Variants in ADCY4 observed in about 807,000 individuals in gnomAD.
ADCY4 encodes the protein adenylate cyclase type 4.
ADCY4 carries 111 observed loss-of-function variants against 125.5 expected under a neutral mutation model. The ratio of observed to expected loss-of-function variants is 0.88; its 90% CI spans 0.76 to 1.04. The LOEUF is 1.04. Among genes scored for constraint, ADCY4 ranks in the 50% least tolerant of loss-of-function variants. The probability of loss-of-function intolerance (pLI) is 0.00; values close to 1 mark genes in which losing one functional copy is unlikely to be tolerated. For missense variants in ADCY4, 1,256 were observed against 1,382.9 expected (o/e 0.91, Z 1.46); for synonymous variants, 576 against 586.9 (o/e 0.98, Z 0.27).
intron 4 of ADCY4, 45 bp from the exon 5 acceptor site, chr14:24,331,401 C>G: frequency 6.2e-7 from 1 of 1,607,110 alleles, no homozygotes; most frequent in Non-Finnish European, 8.5e-7. Flanking sequence ...CACCCTAAAG[C>G]CAGGAGGCCC....
intron 8 of ADCY4, 105 bp downstream of exon 8, chr14:24,329,755 A>T (rs2042010822): frequency 6.6e-7 from 1 of 1,510,418 alleles, no homozygotes. Context: ...GACTTATCTT[A>T]AGGTACTCAT....
At chr14:24,328,932 G>T in intron 10 of ADCY4, 129 bp downstream of exon 10, 1 of 1,225,594 alleles carries the variant, frequency 8.2e-7, no homozygotes, top group Non-Finnish European at 1.1e-6. Context: ...GACAGTTCGG[G>T]ACTTTGGGAT....
Position 24,325,851 on chromosome 14 carries a change from T to G in ADCY4, c.1692A>C (p.Thr564=). The change falls in exon 13 of 25, where the codon ACA becomes ACC. Residue 564 remains threonine (T), a synonymous_variant. Coordinates refer to ENST00000418030, the MANE Select transcript of ADCY4 (RefSeq NM_001198568.2). Reference sequence around the variant, plus strand: ...CCATCTCCTTCTCTCTGAAGTACAGTGTCAGTGGGTTGAAGTCCTTCGACT... The same window carrying G: ...CCATCTCCTTCTCTCTGAAGTACAGGGTCAGTGGGTTGAAGTCCTTCGACT... ...WKQSKDFNPL[T]LYFREKEMEK... is the part of the protein sequence containing the mutation. The G allele has an allele frequency of 6.3e-7, 1 of 1,597,796 alleles. No individual in the cohort carries two copies. The highest frequency in any genetic ancestry group is 8.5e-7 in the Non-Finnish European group (1 of 1,170,308).
rs1198101977 is a variant in ADCY4 at position 24,329,249 on chromosome 14, G to A, written c.1351-15C>T. Reference sequence around the variant, plus strand: ...TCCTCCTCTGCCTGGGGCACATAAGGGCTGACAGTAAAGACCACAGACACT... The same window carrying A: ...TCCTCCTCTGCCTGGGGCACATAAGAGCTGACAGTAAAGACCACAGACACT... On this transcript the variant is annotated splice_polypyrimidine_tract_variant and intron_variant, in intron 9 of 24. Coordinates refer to ENST00000418030, the MANE Select transcript of ADCY4 (RefSeq NM_001198568.2). The A allele has an allele frequency of 1.2e-6, 2 of 1,612,582 alleles. No homozygotes were observed. The highest frequency in any genetic ancestry group is 2.2e-5 in the South Asian group (2 of 91,006).
chr14:24,326,483 T>C (rs1250976297), intron 10 of ADCY4, 141 bp from the exon 11 acceptor site: 1 of 973,744 alleles, frequency 1.0e-6, no homozygotes, highest in Non-Finnish European at 1.6e-6. Context: ...TCTAATGACC[T>C]CTCTGTCTCC....
At chr14:24,330,566 G>A (rs894870966) in intron 6 of ADCY4, 5 of 418,254 alleles carry the variant, frequency 1.2e-5, no homozygotes, top group Non-Finnish European at 2.2e-5. Flanking sequence ...AGTTGAGTAC[G>A]TGGTAGTGGT....
chr14:24,324,183 C>A lies in ADCY4; in HGVS notation c.1925G>T (p.Gly642Val). 1 of 1,614,206 alleles carries A rather than the reference C, an allele frequency of 6.2e-7. No individual in the cohort carries two copies. The highest frequency in any genetic ancestry group is 8.5e-7 in the Non-Finnish European group (1 of 1,180,032). ...AGGCAGCCAGTGCAGCATCTTGGGG[C>A]CTTTCAGGACACACCTCTGTGGAGG... ...SEDLMRCVLK[G>V]PKMLHWLPAL... The change falls in exon 16 of 25, where the codon GGC becomes GTC. Residue 642 changes from glycine (G) to valine (V), a missense_variant. Gly to Val is a moderately radical substitution (Grantham distance 109). Transcript: ENST00000418030.
rs751177909 is a variant in ADCY4 at position 24,332,639 on chromosome 14, C to T, written c.402G>A (p.Leu134=). Residue 134 remains leucine (L), a synonymous_variant, in exon 3 of 25, where the codon CTG becomes CTA. Coordinates refer to ENST00000418030, the MANE Select transcript of ADCY4 (RefSeq NM_001198568.2). ...LFVIFTAYAM[L]PLGMRDAAVA... is the part of the protein sequence containing the mutation. ...CGGCGGCGTCCCGCATGCCCAAGGG[C>T]AGCATGGCATACGCCGTGAAGATGA... 1 of 1,586,512 alleles carries T rather than the reference C, an allele frequency of 6.3e-7. No individual in the cohort carries two copies. The highest frequency in any genetic ancestry group is 8.6e-7 in the Non-Finnish European group (1 of 1,166,656).
chr14:24,328,234 G>GGT (rs1555316923), intron 10 of ADCY4, among the ~76,000 whole-genome samples: 5,894 of 120,860 alleles, frequency 0.049, 200 homozygotes, highest in Non-Finnish European at 0.059. Flanking sequence ...AGCGGGGTGG[G>GGT]GGGGGGGGTC....
In ADCY4 at chr14:24,322,969, C is replaced by T. The variant is rs772223626; in HGVS notation, c.2277G>A (p.Leu759=). ...LWLAASCSLF[L]HSHAWLSECL... is the part of the protein sequence containing the mutation. Reference sequence around the variant, plus strand: ...ATTCCGACAGCCAGGCATGGGAGTGCAGGAAGAGGGAGCAGGATGCCGCCA... The same window carrying T: ...ATTCCGACAGCCAGGCATGGGAGTGTAGGAAGAGGGAGCAGGATGCCGCCA... Residue 759 remains leucine, a synonymous_variant, in exon 18 of 25, where the codon CTG becomes CTA. Coordinates refer to ENST00000418030, the MANE Select transcript of ADCY4 (RefSeq NM_001198568.2). The T allele has an allele frequency of 6.2e-7, 1 of 1,613,760 alleles. No individual in the cohort carries two copies. The highest frequency in any genetic ancestry group is 8.5e-7 in the Non-Finnish European group (1 of 1,179,884).
In ADCY4 at chr14:24,319,324, C is replaced by A. The variant is rs74417323; in HGVS notation, c.2841+5G>T. 1.2e-6 allele frequency: 2 copies of A among 1,613,970 alleles called. No homozygotes were observed. Among genetic ancestry groups the A allele is most frequent in the South Asian group, 2.2e-5 (2 of 91,070 alleles). On this transcript the variant is annotated splice_donor_5th_base_variant and intron_variant, in intron 22 of 24. Coordinates refer to ENST00000418030, the MANE Select transcript of ADCY4 (RefSeq NM_001198568.2). The surrounding 1 kb of genome is among the most constrained non-coding windows in gnomAD (Gnocchi z 4.5). ...AGGATGGTAGGTAAGGAAGGGTTGCCGTACCTGTTGTGCATCCTGTCCAGA... is the reference window on the plus strand; with the variant it reads ...AGGATGGTAGGTAAGGAAGGGTTGCAGTACCTGTTGTGCATCCTGTCCAGA...
Position 24,332,511 on chromosome 14 carries a change from T to A in ADCY4, c.519+11A>T. 1 of 1,558,728 alleles carries A rather than the reference T, an allele frequency of 6.4e-7. No individual in the cohort carries two copies. Among genetic ancestry groups the A allele is most frequent in the Non-Finnish European group, 8.7e-7 (1 of 1,151,518 alleles). ...CGTCCTGAGCGCAGCCTGTGCTACT[T>A]GCGTGCTCACCTGCGGCAGCAGTGC... is the stretch of plus-strand genomic sequence containing the variant. On this transcript the variant is annotated intron_variant, in intron 3 of 24. Transcript: ENST00000418030.
rs763384611 is a variant in ADCY4, at chr14:24,324,094, G to T, written c.2014C>A (p.Leu672Ile). The T allele has an allele frequency of 6.2e-7, 1 of 1,614,264 alleles. No individual in the cohort carries two copies. ...LRIALGTATILLVFAMAITSL... is the reference protein window; with the variant it reads ...LRIALGTATIILVFAMAITSL... ...GTAATGGCCATGGCAAAGACAAGGAGGATGGTGGCGGTGCCCAAGGCTATT... is the reference window on the plus strand; with the variant it reads ...GTAATGGCCATGGCAAAGACAAGGATGATGGTGGCGGTGCCCAAGGCTATT... The change falls in exon 16 of 25, where the codon CTC becomes ATC. Residue 672 changes from leucine to isoleucine, a missense_variant. Physicochemically the swap from Leu to Ile is conservative, Grantham distance 5 (BLOSUM62 2). Transcript: ENST00000418030.
intron 14 of ADCY4, 48 bp downstream of exon 14, chr14:24,325,329 T>G (rs2041924988): frequency 6.5e-7 from 1 of 1,529,242 alleles, no homozygotes; most frequent in Middle Eastern, 1.7e-4. Context: ...GAGGGCAAGG[T>G]GATCCGCTTA....
At chr14:24,323,144 A>T in intron 17 of ADCY4, 56 bp from the exon 18 acceptor site, 2 of 1,574,902 alleles carry the variant, frequency 1.3e-6, no homozygotes, top group Non-Finnish European at 1.7e-6. Context: ...GAGGGGGGAC[A>T]CCTGAGGGCT....
intron 20 of ADCY4, chr14:24,321,660 T>G: frequency 3.4e-6 from 1 of 295,300 alleles, no homozygotes; most frequent in Non-Finnish European, 5.1e-6. Context: ...AATCTGATGC[T>G]GCTACTGATC....
At position 24,323,445 on chromosome 14, in the gene ADCY4, GGAA is replaced by G. The variant is rs750107602; in HGVS notation, c.2053_2055del (p.Phe685del). On this transcript the variant is annotated inframe_deletion, in exon 17 of 25. Coordinates refer to ENST00000418030, the MANE Select transcript of ADCY4 (RefSeq NM_001198568.2). The stretch of plus-strand genomic sequence containing the variant: ...TGGAAAGGGCAGTCTGATGATGTTG[GGAA>G]GAAGAACTGCAGAGGAGATGAGGAG... The G allele has an allele frequency of 4.0e-5, 62 of 1,553,332 alleles. 1 individual carries two copies. Among genetic ancestry groups the G allele is most frequent in the South Asian group, 1.8e-4 (15 of 84,180 alleles).
intron 12 of ADCY4, 85 bp downstream of exon 12, chr14:24,325,994 C>G: frequency 6.3e-7 from 1 of 1,583,430 alleles, no homozygotes; most frequent in Non-Finnish European, 8.6e-7. Flanking sequence ...CGAGTCTTCC[C>G]TCCAGCCCCT....
chr14:24,319,949 C>A lies in ADCY4; in HGVS notation c.2587-61G>T. ...TCATGTTCCTCTCCCTTCTAGAGGT[C>A]TGCGTGGGGCCCTCCTCCCCATGTC... On this transcript the variant is annotated intron_variant, in intron 20 of 24. Transcript: ENST00000418030. The surrounding 1 kb of genome is among the most constrained non-coding windows in gnomAD (Gnocchi z 4.5). 1 of 1,573,356 alleles carries A rather than the reference C, an allele frequency of 6.4e-7. No homozygotes were observed. Among genetic ancestry groups the A allele is most frequent in the East Asian group, 2.2e-5 (1 of 44,544 alleles).
Sources: gnomAD v4.1 joint callset for allele counts (sites outside exome capture counted in the v4.1 genomes callset) on GRCh38, gnomAD v4.1.1 for gene constraint, Gnocchi (gnomAD v3.1) non-coding constraint, MANE v1.5 for transcripts, NCBI Gene and HGNC (gene_info 2026-07-23, HGNC 2026-07-21) for gene names.